TOP2B: variants seen among roughly 807,000 people sequenced by gnomAD.
The protein encoded by TOP2B is DNA topoisomerase II beta, also known as DNA topoisomerase 2-beta.
Under a neutral mutation model 193.5 loss-of-function variants are expected in TOP2B, and 51 were observed. The ratio of observed to expected loss-of-function variants is 0.26; its 90% CI spans 0.21 to 0.33. The LOEUF (loss-of-function observed/expected upper bound fraction) is 0.33, where lower values mean the gene tolerates loss of function less well. Ranked by LOEUF, TOP2B falls within the 10% of genes least tolerant of loss-of-function variation. The pLI is 1.00. For missense variants in TOP2B, 1,378 were observed against 1,909.3 expected (o/e 0.72, Z 5.19); for synonymous variants, 634 against 635.7 (o/e 1.00, Z 0.04).
At chr3:25,608,741 T>C (rs1702295683) in intron 30 of TOP2B, among the ~76,000 whole-genome samples, 1 of 152,030 alleles carries the variant, frequency 6.6e-6, no homozygotes, top group Non-Finnish European at 1.5e-5. Context: ...AACAGCAAAA[T>C]GGGATTCTGC....
At chr3:25,650,903 T>A (rs1163433472) in intron 1 of TOP2B, among the ~76,000 whole-genome samples, 3 of 152,230 alleles carry the variant, frequency 2.0e-5, no homozygotes, top group Non-Finnish European at 4.4e-5. Context: ...ATAAACTTGA[T>A]GTTTGTTCTT....
intron 1 of TOP2B, among the ~76,000 whole-genome samples, chr3:25,649,910 C>T (rs879384959): frequency 2.0e-5 from 3 of 152,060 alleles, no homozygotes; most frequent in Non-Finnish European, 2.9e-5. Context: ...TCAACAAAAG[C>T]TCCATAAAGG....
chr3:25,644,439 G>A (rs1407462710), intron 2 of TOP2B, among the ~76,000 whole-genome samples: 4 of 151,970 alleles, frequency 2.6e-5, no homozygotes, highest in Non-Finnish European at 5.9e-5. Flanking sequence ...AGTGGCTCAC[G>A]CCTGTAATCC....
At chr3:25,615,378 A>T in intron 26 of TOP2B, 53 bp downstream of exon 26, 1 of 1,540,670 alleles carries the variant, frequency 6.5e-7, no homozygotes, top group Non-Finnish European at 8.7e-7. Flanking sequence ...AAAGAAAAAG[A>T]TACAGATAAC....
At chr3:25,608,747 T>G (rs906382377) in intron 30 of TOP2B, among the ~76,000 whole-genome samples, 2 of 152,144 alleles carry the variant, frequency 1.3e-5, no homozygotes, top group African/African-American at 4.8e-5. Flanking sequence ...AAAATGGGAT[T>G]CTGCAGTTCA....
intron 28 of TOP2B, among the ~76,000 whole-genome samples, chr3:25,611,854 A>G (rs189818543): frequency 6.6e-6 from 1 of 152,174 alleles, no homozygotes; most frequent in East Asian, 1.9e-4. Flanking sequence ...GTAGCACTAA[A>G]GTTTATACTT....
intron 10 of TOP2B, among the ~76,000 whole-genome samples, chr3:25,631,688 C>G (rs936050825): frequency 6.6e-6 from 1 of 151,884 alleles, no homozygotes; most frequent in African/African-American, 2.4e-5. Context: ...AATTTAAAAT[C>G]AAATCACTTC....
chr3:25,663,616 C>A (rs923138204), intron 1 of TOP2B, among the ~76,000 whole-genome samples: 2 of 152,190 alleles, frequency 1.3e-5, no homozygotes, highest in African/African-American at 4.8e-5. Flanking sequence ...TAGACAAGCA[C>A]TTCTTTTAAT....
intron 1 of TOP2B, among the ~76,000 whole-genome samples, chr3:25,652,753 A>G (rs191587621): frequency 3.9e-4 from 60 of 152,344 alleles, no homozygotes; most frequent in South Asian, 1.0e-3. Flanking sequence ...AAGAACTAGG[A>G]AAAGAGAAAC....
In TOP2B at chr3:25,620,720, C is replaced by T. The variant is rs1368067227; in HGVS notation, c.2824G>A (p.Val942Ile). ...CTAACTGGAAGCTCTGTAATTTCTA[C>T]TGTGTTTCTGTCCACTACAAATATT... Reference protein sequence around the residue: ...GEIFVVDRNTVEITELPVRTW... With the variant: ...GEIFVVDRNTIEITELPVRTW... Residue 942 changes from valine to isoleucine, a missense_variant, in exon 22 of 36, where the codon GTA (valine) becomes ATA (isoleucine). This residue lies in a region of TOP2B where 379 missense variants were observed against 615.1 expected (regional missense o/e 0.62). Transcript: ENST00000264331. 6.2e-7 allele frequency: 1 copy of T among 1,612,862 alleles called. No individual in the cohort carries two copies. The highest frequency in any genetic ancestry group is 8.5e-7 in the Non-Finnish European group (1 of 1,179,402).
rs1035628068 is a variant in TOP2B, at chr3:25,624,942, A to C, written c.2225-139T>G. ...TGAGATTCTGTAACAAAGTGAGTAC[A>C]TACTAACACGTTTGTTTTGTTTGTT... On this transcript the variant is annotated intron_variant, in intron 18 of 35. Transcript: ENST00000264331. 5.3e-6 allele frequency: 4 copies of C among 759,956 alleles called. No individual in the cohort carries two copies. The South Asian group carries it at 6.0e-5, about 11-fold the overall frequency. 47.1% of individuals were successfully genotyped at this position (759,956 alleles called of 1,614,324 possible).
intron 33 of TOP2B, among the ~76,000 whole-genome samples, chr3:25,602,443 T>C (rs1195771740): frequency 1.3e-5 from 2 of 151,378 alleles, no homozygotes; most frequent in Non-Finnish European, 2.9e-5. Context: ...TAAATCACTT[T>C]TTGTAATTAA....
chr3:25,611,459 T>C (rs1702367709), intron 28 of TOP2B, among the ~76,000 whole-genome samples: 1 of 152,180 alleles, frequency 6.6e-6, no homozygotes, highest in Non-Finnish European at 1.5e-5. Flanking sequence ...ACTCTAGCTC[T>C]TTAGGCTCAT....
At chr3:25,637,664 T>C (rs1357534155) in intron 5 of TOP2B, among the ~76,000 whole-genome samples, 2 of 151,968 alleles carry the variant, frequency 1.3e-5, no homozygotes, top group African/African-American at 2.4e-5. Context: ...TTAATCTATA[T>C]CATTTCCCGG....
At chr3:25,624,201 A>G in intron 20 of TOP2B, 96 bp downstream of exon 20, 3 of 1,382,476 alleles carry the variant, frequency 2.2e-6, no homozygotes, top group Non-Finnish European at 2.0e-6. Flanking sequence ...ATAACCAGAT[A>G]ATCACATCTC....
intron 1 of TOP2B, among the ~76,000 whole-genome samples, chr3:25,655,631 A>G (rs772858831): frequency 4.6e-5 from 7 of 152,250 alleles, no homozygotes; most frequent in Non-Finnish European, 1.0e-4. Context: ...GAGGCAACCC[A>G]AATGTTCACT....
intron 1 of TOP2B, among the ~76,000 whole-genome samples, chr3:25,659,572 A>C (rs1575590523): frequency 1.3e-5 from 2 of 152,186 alleles, no homozygotes; most frequent in African/African-American, 4.8e-5. Context: ...TAAGGTTGGG[A>C]TAAGTGTTTT....
chr3:25,645,257 A>G (rs925177668), intron 2 of TOP2B, 43 bp downstream of exon 2: 1 of 1,445,132 alleles, frequency 6.9e-7, no homozygotes, highest in African/African-American at 1.4e-5. Flanking sequence ...AAGTAAATAT[A>G]GATGCACATC....
chr3:25,661,395 A>T (rs886943252), intron 1 of TOP2B, among the ~76,000 whole-genome samples: 5 of 152,266 alleles, frequency 3.3e-5, no homozygotes, highest in Admixed American at 6.5e-5. Context: ...TCCATTAAAA[A>T]TTTTTTTTAA....
Sources: gnomAD v4.1 joint callset for allele counts (sites outside exome capture counted in the v4.1 genomes callset) on GRCh38, gnomAD v4.1.1 for gene constraint, gnomAD v4.1.1 regional missense constraint, MANE v1.5 for transcripts, NCBI Gene and HGNC (gene_info 2026-07-23, HGNC 2026-07-21) for gene names.